Variants in KLRD1 observed in about 807,000 individuals in gnomAD.
KLRD1 encodes the protein natural killer cells antigen CD94.
Under a neutral mutation model 22.6 loss-of-function variants are expected in KLRD1, and 21 were observed. The observed-to-expected ratio is 0.93, with a 90% CI of 0.66 to 1.34. The LOEUF is 1.34. KLRD1 is among the 40% of genes most tolerant of loss of function. The pLI, the probability that KLRD1 is intolerant of heterozygous loss-of-function variation, is 0.00. For synonymous variants in KLRD1, 59 were observed against 71.1 expected (o/e 0.83, Z 0.85); for missense variants, 183 against 208.6 (o/e 0.88, Z 0.76).
chr12:10,270,564 C>G (rs570029337), intron 1 of KLRD1, among the ~76,000 whole-genome samples: 32 of 152,262 alleles, frequency 2.1e-4, no homozygotes, highest in Non-Finnish European at 4.3e-4. Flanking sequence ...AATGTAAGTT[C>G]ATGGGAGCAC....
Position 10,317,566 on chromosome 12 carries a change from C to G in KLRD1, c.*2773C>G, listed in dbSNP as rs541126805. The G allele has an allele frequency of 6.6e-6, 1 of 152,346 alleles. No individual in the cohort carries two copies. The highest frequency in any genetic ancestry group is 2.1e-4 in the South Asian group (1 of 4,826). The allele number at this position is 152,346 out of a possible 1,614,324, so 9.4% of individuals were successfully genotyped here. ...AAGCAAGCCTTTGTTTCTTTGCAGT[C>G]AGCTTTTCTTCTGCTGATGCTGCCT... On this transcript the variant is annotated 3_prime_UTR_variant, in exon 6 of 6. Coordinates refer to ENST00000336164, the MANE Select transcript of KLRD1 (RefSeq NM_002262.5).
intron 1 of KLRD1, among the ~76,000 whole-genome samples, chr12:10,282,982 G>A (rs1170531280): frequency 6.6e-6 from 1 of 152,214 alleles, no homozygotes; most frequent in Admixed American, 6.5e-5. Flanking sequence ...ATTATTCAAG[G>A]TAGGTTGATG....
upstream of KLRD1, among the ~76,000 whole-genome samples, chr12:10,306,320 G>A (rs572606457): frequency 6.6e-6 from 1 of 152,190 alleles, no homozygotes. Flanking sequence ...TGGAGTTCTT[G>A]AAGTAAACTT....
At position 10,279,002 on chromosome 12, in the gene KLRD1, T is replaced by A. The variant is rs1419769578; in HGVS notation, c.-100-28976T>A. Among the ~76,000 whole-genome samples, 3 of 150,904 alleles carry A rather than the reference T, an allele frequency of 2.0e-5. No individual in the cohort carries two copies. In the East Asian group the frequency reaches 5.9e-4, roughly 30 times the overall value. The stretch of plus-strand genomic sequence containing the variant: ...GTTAGCATCAGTTTTTTTTTTTTTT[T>A]AATTTTAGGTTTAGGGGGTACCTGT... On this transcript the variant is annotated intron_variant, in intron 1 of 5. Coordinates refer to the KLRD1 transcript ENST00000544747.
intron 1 of KLRD1, among the ~76,000 whole-genome samples, chr12:10,273,959 T>A (rs947128553): frequency 2.6e-5 from 4 of 152,102 alleles, no homozygotes; most frequent in African/African-American, 9.7e-5. Flanking sequence ...GGAAAAACAA[T>A]TAAAAATTAT....
At chr12:10,245,686 C>T (rs1460314547) in intron 1 of KLRD1, among the ~76,000 whole-genome samples, 1 of 152,130 alleles carries the variant, frequency 6.6e-6, no homozygotes. Context: ...TAGATAATGA[C>T]GTATGATTAA....
chr12:10,272,034 G>A (rs1195478624), intron 1 of KLRD1, among the ~76,000 whole-genome samples: 1 of 152,134 alleles, frequency 6.6e-6, no homozygotes. Flanking sequence ...TACCGGTGGT[G>A]TAGAATAGTA....
intron 3 of KLRD1, among the ~76,000 whole-genome samples, chr12:10,309,950 T>C (rs1950021115): frequency 6.6e-6 from 1 of 152,232 alleles, no homozygotes; most frequent in African/African-American, 2.4e-5. Context: ...GTGCTCATAA[T>C]TAAGTAACAA....
Position 10,277,490 on chromosome 12 carries a change from A to C in KLRD1, c.-100-30488A>C, listed in dbSNP as rs140941670. Among the ~76,000 whole-genome samples, 553 of 152,254 alleles carry C rather than the reference A, an allele frequency of 3.6e-3. 4 individuals are homozygous for C. The highest frequency in any genetic ancestry group is 0.012 in the African/African-American group (505 of 41,544). On this transcript the variant is annotated intron_variant, in intron 1 of 5. Transcript: ENST00000544747. ...TATTATTTTCCCACTTCATGGTGGAAAAGAATGAAGGAGAGTAGAATTTGG... is the reference window on the plus strand; with the variant it reads ...TATTATTTTCCCACTTCATGGTGGACAAGAATGAAGGAGAGTAGAATTTGG...
chr12:10,254,926 A>T (rs2137623849), intron 1 of KLRD1, among the ~76,000 whole-genome samples: 1 of 149,512 alleles, frequency 6.7e-6, no homozygotes, highest in Admixed American at 6.6e-5. Flanking sequence ...AAAGAAAAGT[A>T]GGCAAAGGAC....
chr12:10,288,977 CT>C (rs1294934401), intron 1 of KLRD1, among the ~76,000 whole-genome samples: 1 of 152,066 alleles, frequency 6.6e-6, no homozygotes, highest in Non-Finnish European at 1.5e-5. Flanking sequence ...TCTTATTATT[CT>C]GAGTTAGGGC....
rs765727962 is a variant in KLRD1, at chr12:10,309,431, G to T, written c.51G>T (p.Gly17=). 8 of 1,553,894 alleles carry T rather than the reference G, an allele frequency of 5.1e-6. No homozygotes were observed. Among genetic ancestry groups the T allele is most frequent in the Non-Finnish European group, 7.1e-6 (8 of 1,124,902 alleles). Residue 17 remains glycine (G), a synonymous_variant, in exon 2 of 6, where the codon GGG becomes GGT. Transcript: ENST00000336164. ...TLWRLISGTL[G]IICLSLMSTL... ...GGAGGTTAATTTCTGGGACCTTAGG[G>T]ATAATATGCCTTTCGTTGATGTCTA...
chr12:10,257,497 T>C (rs1450891897), intron 1 of KLRD1, among the ~76,000 whole-genome samples: 3 of 150,228 alleles, frequency 2.0e-5, no homozygotes, highest in African/African-American at 7.3e-5. Context: ...TTTTTTTTTT[T>C]TTTTTTGTAG....
At chr12:10,298,194 A>G (rs1949838110) in intron 1 of KLRD1, among the ~76,000 whole-genome samples, 1 of 152,216 alleles carries the variant, frequency 6.6e-6, no homozygotes, top group Admixed American at 6.5e-5. Flanking sequence ...GCCTGGAGTT[A>G]CAAAGACAAT....
At chr12:10,274,822 G>A (rs935767582) in intron 1 of KLRD1, among the ~76,000 whole-genome samples, 1 of 152,052 alleles carries the variant, frequency 6.6e-6, no homozygotes, top group East Asian at 1.9e-4. Flanking sequence ...TTTGTCTTAT[G>A]TTCCCTTAAC....
In KLRD1 at chr12:10,263,062, C is replaced by T. The variant is rs117085107; in HGVS notation, c.-101+36829C>T. Among the ~76,000 whole-genome samples, 146 of 152,098 alleles carry T rather than the reference C, an allele frequency of 9.6e-4. 1 individual carries two copies. In the East Asian group the frequency reaches 0.024, roughly 25 times the overall value. ...ATCAGTCACAAAGTACTGTTTATCA[C>T]GACAATGCTTCATATATCTGTTTCC... On this transcript the variant is annotated intron_variant, in intron 1 of 5. Coordinates refer to the KLRD1 transcript ENST00000544747.
chr12:10,287,557 A>C (rs1949719136), intron 1 of KLRD1, among the ~76,000 whole-genome samples: 3 of 152,332 alleles, frequency 2.0e-5, no homozygotes, highest in African/African-American at 7.2e-5. Flanking sequence ...TATATACTGA[A>C]GTATTATAAA....
rs578055016 is a variant in KLRD1, at chr12:10,260,866, C to T, written c.-101+34633C>T. Reference sequence around the variant, plus strand: ...CTGAGGCAGGAGAATGGCATGAACCCGGGAGGTGGAGCTTGCAGTGAGCTG... The same window carrying T: ...CTGAGGCAGGAGAATGGCATGAACCTGGGAGGTGGAGCTTGCAGTGAGCTG... On this transcript the variant is annotated intron_variant, in intron 1 of 5. Coordinates refer to the KLRD1 transcript ENST00000544747. 2.3e-3 allele frequency among the ~76,000 whole-genome samples: 353 copies of T among 151,772 alleles called. 2 individuals carry two copies. Among genetic ancestry groups the T allele is most frequent in the African/African-American group, 8.1e-3 (337 of 41,382 alleles).
rs1555113906 is a variant in KLRD1 at position 10,324,818 on chromosome 12, GTATATATATA to G, written c.*10041_*10050del. 7.4e-4 allele frequency: 55 copies of G among 74,152 alleles called. 1 individual carries two copies. The highest frequency in any genetic ancestry group is 5.8e-3 in the East Asian group (10 of 1,730). 4.6% of individuals were successfully genotyped at this position (74,152 alleles called of 1,614,324 possible). A position where few individuals can be genotyped will look rare whatever the true frequency, so the allele number is the denominator to read the frequency against. On this transcript the variant is annotated 3_prime_UTR_variant, in exon 6 of 6. Transcript: ENST00000336164. ...AGTATATATGTATATGTGTGTGTGT[GTATATATATA>G]TATATATATATATATTCATTTACAC...
Sources: gnomAD v4.1 joint callset for allele counts (sites outside exome capture counted in the v4.1 genomes callset) on GRCh38, gnomAD v4.1.1 for gene constraint, MANE v1.5 for transcripts, NCBI Gene and HGNC (gene_info 2026-07-23, HGNC 2026-07-21) for gene names.